The following BCO1 variants were observed in gnomAD, a reference collection of about 807,000 sequenced individuals.
BCO1 encodes beta-carotene oxygenase 1, also known as beta,beta-carotene 15,15'-dioxygenase.
In BCO1, 54 loss-of-function variants were observed where a neutral mutation model predicts 56.3. That is an observed-to-expected ratio of 0.96 (90% CI 0.77 to 1.20). The LOEUF (loss-of-function observed/expected upper bound fraction) is 1.20. Ranked by LOEUF, BCO1 falls within the 50% of genes most tolerant of loss-of-function variation. The probability of loss-of-function intolerance (pLI) is 0.00; values close to 1 mark genes in which losing one functional copy is unlikely to be tolerated. For missense variants in BCO1, 801 were observed against 690.9 expected, an observed-to-expected ratio of 1.16 and a Z score of -1.79; for synonymous variants, 318 against 266.1, an observed-to-expected ratio of 1.20 and a Z score of -1.90.
At chr16:81,239,069 T>G in intron 1 of BCO1, 97 bp downstream of exon 1, 1 of 1,096,484 alleles carries the variant, frequency 9.1e-7, no homozygotes, top group South Asian at 1.5e-5. Flanking sequence ...CGGGCTGGAG[T>G]CCAGTGGCTT....
At chr16:81,289,439 C>G (rs1032717983) in intron 10 of BCO1, among the ~76,000 whole-genome samples, 1 of 151,994 alleles carries the variant, frequency 6.6e-6, no homozygotes, top group Non-Finnish European at 1.5e-5. Context: ...CCCAGGAGTC[C>G]AAGACCAGCA....
At position 81,268,024 on chromosome 16, in the gene BCO1, G is replaced by T; in HGVS notation, c.736G>T (p.Val246Phe). ...YHSFGVTENY[V>F]IFLEQPFRLD... ...CAGCTTTGGAGTCACCGAGAACTAT[G>T]TCATCTTCCTTGAGCAGCCTTTCAG... Residue 246 changes from valine (V) to phenylalanine (F), a missense_variant, in exon 6 of 11, where the codon GTC (valine) becomes TTC (phenylalanine). Transcript: ENST00000258168. 1 of 1,613,798 alleles carries T rather than the reference G, an allele frequency of 6.2e-7. No individual in the cohort carries two copies.
rs768920988 is a variant in BCO1 at position 81,259,810 on chromosome 16, C to A, written c.323+5C>A. 3.1e-6 allele frequency: 5 copies of A among 1,614,166 alleles called. No homozygotes were observed. The East Asian group carries it at 1.1e-4, about 36-fold the overall frequency. On this transcript the variant is annotated splice_donor_5th_base_variant and intron_variant, in intron 3 of 10. Transcript: ENST00000258168. ...CTGCAAAAACATATTTTCCAAGTAA[C>A]TGCCTATTTTAAATCTGAGCAAATT...
intron 7 of BCO1, among the ~76,000 whole-genome samples, chr16:81,276,109 A>C (rs1433995271): frequency 3.3e-5 from 5 of 152,344 alleles, no homozygotes; most frequent in African/African-American, 1.2e-4. Flanking sequence ...TCTGTCTCCA[A>C]ATGCACAAAT....
chr16:81,272,265 C>T (rs1036491463), intron 7 of BCO1, among the ~76,000 whole-genome samples: 1 of 151,862 alleles, frequency 6.6e-6, no homozygotes, highest in African/African-American at 2.4e-5. Flanking sequence ...AGACACCTGC[C>T]ACCACGCCTG....
At chr16:81,276,740 T>C (rs975767826) in intron 7 of BCO1, among the ~76,000 whole-genome samples, 3 of 152,188 alleles carry the variant, frequency 2.0e-5, no homozygotes, top group Non-Finnish European at 2.9e-5. Context: ...AGCTAAGGAA[T>C]TGAATTTTTA....
At chr16:81,283,377 G>A (rs996339384) in intron 8 of BCO1, among the ~76,000 whole-genome samples, 5 of 151,830 alleles carry the variant, frequency 3.3e-5, no homozygotes, top group Admixed American at 6.6e-5. Context: ...GGCATCTGAG[G>A]TCAAGAGTTT....
intron 2 of BCO1, among the ~76,000 whole-genome samples, chr16:81,248,801 C>A (rs192700978): frequency 3.9e-5 from 6 of 152,132 alleles, no homozygotes; most frequent in African/African-American, 1.2e-4. Context: ...CACCTGAAGT[C>A]GGGAGTTCAA....
At chr16:81,273,402 G>A (rs1298014533) in intron 7 of BCO1, among the ~76,000 whole-genome samples, 1 of 152,116 alleles carries the variant, frequency 6.6e-6, no homozygotes, top group Admixed American at 6.5e-5. Flanking sequence ...CTGGCAGACG[G>A]TCCTACAGTG....
chr16:81,290,231 C>T, intron 10 of BCO1, 117 bp from the exon 11 acceptor site: 1 of 863,090 alleles, frequency 1.2e-6, no homozygotes, highest in Non-Finnish European at 1.9e-6. Flanking sequence ...AAATTCACTC[C>T]CTCCTGTTTT....
chr16:81,252,710 A>C (rs1016645622), intron 2 of BCO1, among the ~76,000 whole-genome samples: 1 of 152,208 alleles, frequency 6.6e-6, no homozygotes, highest in Non-Finnish European at 1.5e-5. Context: ...TCCATGTAGC[A>C]TGTAGCTGAG....
At chr16:81,254,956 G>A (rs1906036947) in intron 2 of BCO1, among the ~76,000 whole-genome samples, 1 of 152,034 alleles carries the variant, frequency 6.6e-6, no homozygotes, top group South Asian at 2.1e-4. Flanking sequence ...TCTGATTTTT[G>A]TATTATTTGT....
intron 2 of BCO1, among the ~76,000 whole-genome samples, chr16:81,251,648 A>G (rs1905804290): frequency 6.6e-6 from 1 of 152,094 alleles, no homozygotes; most frequent in Non-Finnish European, 1.5e-5. Flanking sequence ...GGTGAAGGGT[A>G]CAAGAACACT....
At chr16:81,255,440 C>T (rs947528952) in intron 2 of BCO1, among the ~76,000 whole-genome samples, 1 of 152,188 alleles carries the variant, frequency 6.6e-6, no homozygotes, top group African/African-American at 2.4e-5. Context: ...AACCTTTAAG[C>T]ACTGTTTAGA....
chr16:81,247,008 C>G (rs9925437), intron 2 of BCO1, among the ~76,000 whole-genome samples: 2 of 152,066 alleles, frequency 1.3e-5, no homozygotes, highest in African/African-American at 4.8e-5. Flanking sequence ...ACAAATAAGG[C>G]GAATTCTGAG....
At chr16:81,262,559 G>A (rs568080644) in intron 4 of BCO1, 15 of 411,804 alleles carry the variant, frequency 3.6e-5, no homozygotes, top group Admixed American at 1.4e-4. Context: ...TGGGTGTGGT[G>A]ACCTACACCT....
At chr16:81,245,258 A>G (rs191796302) in intron 1 of BCO1, among the ~76,000 whole-genome samples, 156 of 152,332 alleles carry the variant, frequency 1.0e-3, no homozygotes, top group South Asian at 2.7e-3. Context: ...GTCAGTAGGC[A>G]GTTTGAGGAC....
intron 1 of BCO1, among the ~76,000 whole-genome samples, chr16:81,240,312 T>G (rs1905054182): frequency 6.6e-6 from 1 of 152,206 alleles, no homozygotes; most frequent in African/African-American, 2.4e-5. Context: ...GATAGATTAC[T>G]ATATTTGTAA....
chr16:81,290,857 C>A lies in BCO1; in HGVS notation c.*280C>A. On this transcript the variant is annotated 3_prime_UTR_variant, in exon 11 of 11. Coordinates refer to ENST00000258168, the MANE Select transcript of BCO1 (RefSeq NM_017429.3). ...TTTCCTTTAACAAAAAGACCTTGAC[C>A]ATGAATCAGAGATTGTATTCAATGA... is the stretch of plus-strand genomic sequence containing the variant. The A allele has an allele frequency of 2.8e-6, 1 of 361,936 alleles. No individual in the cohort carries two copies. Among genetic ancestry groups the A allele is most frequent in the East Asian group, 4.7e-5 (1 of 21,272 alleles). The allele number at this position is 361,936 out of a possible 1,614,324, so 22.4% of individuals were successfully genotyped here.
Sources: gnomAD v4.1 joint callset for allele counts (sites outside exome capture counted in the v4.1 genomes callset) on GRCh38, gnomAD v4.1.1 for gene constraint, MANE v1.5 for transcripts, NCBI Gene and HGNC (gene_info 2026-07-23, HGNC 2026-07-21) for gene names.